SOS1: variants seen among roughly 807,000 people sequenced by gnomAD.
SOS1 encodes the protein son of sevenless homolog 1.
In SOS1, 25 loss-of-function variants were observed where a neutral mutation model predicts 157.6. The observed-to-expected ratio is 0.16, with a 90% CI of 0.12 to 0.22. The LOEUF (loss-of-function observed/expected upper bound fraction) is 0.22. Among genes scored for constraint, SOS1 ranks in the 10% least tolerant of loss-of-function variants. The probability of loss-of-function intolerance (pLI) is 1.00; values close to 1 mark genes in which losing one functional copy is unlikely to be tolerated. For synonymous variants in SOS1, 528 were observed against 534.0 expected (o/e 0.99, Z 0.16); for missense variants, 1,237 against 1,599.1 (o/e 0.77, Z 3.86).
intron 10 of SOS1, among the ~76,000 whole-genome samples, chr2:39,015,871 T>A (rs1669615643): frequency 1.3e-5 from 2 of 150,516 alleles, no homozygotes; most frequent in African/African-American, 2.5e-5. Context: ...TTGGGAGCAT[T>A]CTTTTCCTAT....
chr2:39,042,733 A>T (rs868530177), intron 6 of SOS1, among the ~76,000 whole-genome samples: 2,413 of 122,476 alleles, frequency 0.02, 24 homozygotes, highest in Middle Eastern at 0.034. Flanking sequence ...TTTTTTTTTT[A>T]AAAACAAAGG....
intron 1 of SOS1, among the ~76,000 whole-genome samples, chr2:39,094,762 CA>C (rs1226872051): frequency 6.6e-6 from 1 of 152,132 alleles, no homozygotes; most frequent in Non-Finnish European, 1.5e-5. Context: ...ATAACATTCC[CA>C]ATTAGCAGTA....
intron 17 of SOS1, among the ~76,000 whole-genome samples, chr2:38,999,138 A>G (rs1669002866): frequency 6.6e-6 from 1 of 152,248 alleles, no homozygotes; most frequent in South Asian, 2.1e-4. Flanking sequence ...CCAAAAAATG[A>G]GAAGTGTAAT....
intron 20 of SOS1, among the ~76,000 whole-genome samples, chr2:38,991,988 G>A (rs1668748589): frequency 6.6e-6 from 1 of 152,150 alleles, no homozygotes; most frequent in South Asian, 2.1e-4. Context: ...GTCAAACTCT[G>A]CCTTTTGAAA....
chr2:38,982,505 A>G lies in SOS1; in HGVS notation c.*3319T>C, dbSNP rs1231934544. 2.0e-5 allele frequency: 3 copies of G among 152,192 alleles called. No homozygotes were observed. The highest frequency in any genetic ancestry group is 7.2e-5 in the African/African-American group (3 of 41,454). 9.4% of individuals were successfully genotyped at this position (152,192 alleles called of 1,614,324 possible). A position where few individuals can be genotyped will look rare whatever the true frequency, so the allele number is the denominator to read the frequency against. On this transcript the variant is annotated 3_prime_UTR_variant, in exon 23 of 23. Coordinates refer to ENST00000402219, the MANE Select transcript of SOS1 (RefSeq NM_005633.4). ...TGATGTTTAGTTACTGGTAAAGATT[A>G]ATGCAATACAACAGGACCTATACTT... is the stretch of plus-strand genomic sequence containing the variant.
Position 39,045,273 on chromosome 2 carries a change from A to AGAGTGTGTGTGTGTGT in SOS1, c.864+5870_864+5871insACACACACACACACTC, listed in dbSNP as rs138343013. ...GAGAGAGAGAGAGAGAGAGAGAGAG[A>AGAGTGTGTGTGTGTGT]GTGTGTGTGTGTGTGTGTGTGTGTG... On this transcript the variant is annotated intron_variant, in intron 6 of 22. Coordinates refer to ENST00000402219, the MANE Select transcript of SOS1 (RefSeq NM_005633.4). Among the ~76,000 whole-genome samples the AGAGTGTGTGTGTGTGT allele has an allele frequency of 7.0e-3, 758 of 108,042 alleles. 2 individuals carry two copies. Among genetic ancestry groups the AGAGTGTGTGTGTGTGT allele is most frequent in the Non-Finnish European group, 0.011 (566 of 51,944 alleles). The allele number at this position is 108,042 out of a possible 152,430, so 70.9% of individuals were successfully genotyped here.
At chr2:39,032,700 C>T (rs924814681) in intron 8 of SOS1, among the ~76,000 whole-genome samples, 1 of 152,168 alleles carries the variant, frequency 6.6e-6, no homozygotes, top group African/African-American at 2.4e-5. Context: ...ATGACTCACA[C>T]CTGAAATCCT....
chr2:39,050,267 C>T (rs915747222), intron 6 of SOS1, among the ~76,000 whole-genome samples: 2 of 152,136 alleles, frequency 1.3e-5, no homozygotes, highest in Non-Finnish European at 2.9e-5. Flanking sequence ...CTTATTAGGA[C>T]TGACTCATGT....
intron 1 of SOS1, among the ~76,000 whole-genome samples, chr2:39,086,056 A>G (rs1200403412): frequency 2.0e-5 from 3 of 152,230 alleles, no homozygotes; most frequent in African/African-American, 4.8e-5. Context: ...CCTTCTGGTA[A>G]TATTACATAC....
chr2:39,012,486 T>C lies in SOS1; in HGVS notation c.2168-138A>G, dbSNP rs3796037. 605 of 357,252 alleles carry C rather than the reference T, an allele frequency of 1.7e-3. 2 individuals are homozygous for C. In the South Asian group the frequency reaches 0.02, roughly 12 times the overall value. The allele number at this position is 357,252 out of a possible 1,614,324, so 22.1% of individuals were successfully genotyped here. ...AAGTTCAAATGATCAAAATGAAAAA[T>C]GCAAGTTCTCCTTTTCCATTTCCCG... is the stretch of plus-strand genomic sequence containing the variant. On this transcript the variant is annotated intron_variant, in intron 13 of 22. Coordinates refer to ENST00000402219, the MANE Select transcript of SOS1 (RefSeq NM_005633.4).
upstream of SOS1, among the ~76,000 whole-genome samples, chr2:39,123,491 G>A (rs1231921252): frequency 1.3e-5 from 2 of 151,902 alleles, no homozygotes; most frequent in African/African-American, 2.4e-5. Flanking sequence ...CCGAGTAGCT[G>A]GGACTACAGG....
intron 8 of SOS1, among the ~76,000 whole-genome samples, chr2:39,034,439 CAAAT>C (rs1670273825): frequency 6.6e-6 from 1 of 152,090 alleles, no homozygotes; most frequent in Non-Finnish European, 1.5e-5. Flanking sequence ...TTTGATGAAA[CAAAT>C]ACTCATTTGA....
chr2:39,117,311 G>A (rs1673689850), intron 1 of SOS1, among the ~76,000 whole-genome samples: 2 of 152,170 alleles, frequency 1.3e-5, no homozygotes, highest in Non-Finnish European at 2.9e-5. Flanking sequence ...ACAGGCGTGA[G>A]CCACTGCGCC....
chr2:38,992,967 G>A (rs1323946042), intron 20 of SOS1: 6 of 151,942 alleles, frequency 3.9e-5, no homozygotes, highest in Non-Finnish European at 2.9e-5. Context: ...GCGGGGCACA[G>A]TGGCTCATCT....
intron 8 of SOS1, among the ~76,000 whole-genome samples, chr2:39,026,884 T>C (rs1669981251): frequency 6.6e-6 from 1 of 151,576 alleles, no homozygotes; most frequent in African/African-American, 2.4e-5. Context: ...TGCAAAAAAA[T>C]CTCATAATGT....
intron 15 of SOS1, among the ~76,000 whole-genome samples, chr2:39,007,777 T>G (rs1013415270): frequency 1.3e-5 from 2 of 152,092 alleles, no homozygotes; most frequent in Non-Finnish European, 2.9e-5. Context: ...TATGAGGAGC[T>G]TCACTGAGTG....
Position 39,120,587 on chromosome 2 carries a change from G to T in SOS1, c.-165C>A. Reference sequence around the variant, plus strand: ...GGCTAGCCCTGGCGAGGGGGCTGGGGGGCGAGGCCCGCGCCTGGCCACCCA... The same window carrying T: ...GGCTAGCCCTGGCGAGGGGGCTGGGTGGCGAGGCCCGCGCCTGGCCACCCA... On this transcript the variant is annotated 5_prime_UTR_variant, in exon 1 of 23. Transcript: ENST00000402219. 1 of 791,488 alleles carries T rather than the reference G, an allele frequency of 1.3e-6. No homozygotes were observed. The allele number at this position is 791,488 out of a possible 1,614,324, so 49.0% of individuals were successfully genotyped here. A position where few individuals can be genotyped will look rare whatever the true frequency, so the allele number is the denominator to read the frequency against.
intron 1 of SOS1, among the ~76,000 whole-genome samples, chr2:39,078,317 C>T (rs1357828711): frequency 3.3e-5 from 5 of 152,134 alleles, no homozygotes; most frequent in African/African-American, 1.2e-4. Flanking sequence ...TTGGTAAAGA[C>T]ATAAAGAAAT....
At chr2:39,077,069 A>G (rs1386223083) in intron 1 of SOS1, among the ~76,000 whole-genome samples, 1 of 152,202 alleles carries the variant, frequency 6.6e-6, no homozygotes, top group Non-Finnish European at 1.5e-5. Context: ...TGGGCTGGGC[A>G]CAGTGACTCA....
Sources: gnomAD v4.1 joint callset for allele counts (sites outside exome capture counted in the v4.1 genomes callset) on GRCh38, gnomAD v4.1.1 for gene constraint, MANE v1.5 for transcripts, NCBI Gene and HGNC (gene_info 2026-07-23, HGNC 2026-07-21) for gene names.